RASL10A: variants seen among roughly 807,000 people sequenced by gnomAD.
RASL10A encodes the protein RAS like family 10 member A.
Under a neutral mutation model 17.3 loss-of-function variants are expected in RASL10A, and 13 were observed. That is an observed-to-expected ratio of 0.75 (90% confidence interval 0.49 to 1.20). The LOEUF (loss-of-function observed/expected upper bound fraction) is 1.20, where lower values mean the gene tolerates loss of function less well. Ranked by LOEUF, RASL10A falls within the 50% of genes most tolerant of loss-of-function variation. The pLI, the probability that RASL10A is intolerant of heterozygous loss-of-function variation, is 0.00. For missense variants in RASL10A, 307 were observed against 310.3 expected, an observed-to-expected ratio of 0.99 and a Z score of 0.08; for synonymous variants, 159 against 142.2, an observed-to-expected ratio of 1.12 and a Z score of -0.84.
intron 1 of RASL10A, among the ~76,000 whole-genome samples, chr22:29,314,493 G>A (rs1290486696): frequency 6.6e-6 from 1 of 152,122 alleles, no homozygotes; most frequent in Non-Finnish European, 1.5e-5. Context: ...CTCCCTCCAG[G>A]AAGCCCTGCT....
rs1315504216 is a variant in RASL10A, at chr22:29,315,049, G to T, written c.198C>A (p.Gly66=). ...SIRDGDVAGP[G]SSPGGPEEWP... ...CTACCTCCGGACCCCCGGGGCTCGA[G>T]CCGGGGCCAGCGACGTCGCCGTCGC... The change falls in exon 1 of 3, where the codon GGC becomes GGA. Residue 66 remains glycine, a synonymous_variant. Transcript: ENST00000216101. This position sits in a 1 kb window ranked among gnomAD's most constrained non-coding sequence, Gnocchi z 5.5. 2.0e-6 allele frequency: 3 copies of T among 1,514,488 alleles called. No individual in the cohort carries two copies. Among genetic ancestry groups the T allele is most frequent in the Non-Finnish European group, 2.6e-6 (3 of 1,135,896 alleles). 93.8% of individuals were successfully genotyped at this position (1,514,488 alleles called of 1,614,324 possible).
Position 29,315,020 on chromosome 22 carries a change from G to C in RASL10A, c.219+8C>G. On this transcript the variant is annotated splice_region_variant and intron_variant, in intron 1 of 2. Coordinates refer to ENST00000216101, the MANE Select transcript of RASL10A (RefSeq NM_006477.5). The surrounding 1 kb of genome is among the most constrained non-coding windows in gnomAD (Gnocchi z 5.5). ...TCACACGCCCCTGCCCGCTCCTCGA[G>C]CCGCTACCTCCGGACCCCCGGGGCT... is the stretch of plus-strand genomic sequence containing the variant. The C allele has an allele frequency of 6.7e-7, 1 of 1,495,850 alleles. No individual in the cohort carries two copies. The allele number at this position is 1,495,850 out of a possible 1,614,324, so 92.7% of individuals were successfully genotyped here. A position where few individuals can be genotyped will look rare whatever the true frequency, so the allele number is the denominator to read the frequency against.
Position 29,313,644 on chromosome 22 carries a change from G to A in RASL10A, c.345-76C>T, listed in dbSNP as rs2061434579. ...TCCCCCAGTGGGTATACACACGCAGGCGCATTCCCTTCCTACGGCCAGAGA... is the reference window on the plus strand; with the variant it reads ...TCCCCCAGTGGGTATACACACGCAGACGCATTCCCTTCCTACGGCCAGAGA... On this transcript the variant is annotated intron_variant, in intron 2 of 2. Transcript: ENST00000216101. 7.6e-6 allele frequency: 11 copies of A among 1,447,072 alleles called. No individual in the cohort carries two copies. In the South Asian group the frequency reaches 1.6e-4, roughly 21 times the overall value. 89.6% of individuals were successfully genotyped at this position (1,447,072 alleles called of 1,614,324 possible).
chr22:29,314,140 T>C, intron 1 of RASL10A, 153 bp from the exon 2 acceptor site: 1 of 1,051,048 alleles, frequency 9.5e-7, no homozygotes, highest in Non-Finnish European at 1.3e-6. Context: ...CGTCTCCTCA[T>C]GACCACCAGG....
rs984673548 is a variant in RASL10A, at chr22:29,314,993, T to A, written c.219+35A>T. ...CACCGAGCACGCACACCCCTCACAC[T>A]GTCACACGCCCCTGCCCGCTCCTCG... On this transcript the variant is annotated intron_variant, in intron 1 of 2. Transcript: ENST00000216101. 13 of 1,437,880 alleles carry A rather than the reference T, an allele frequency of 9.0e-6. No individual in the cohort carries two copies. The African/African-American group carries it at 1.9e-4, about 21-fold the overall frequency. 89.1% of individuals were successfully genotyped at this position (1,437,880 alleles called of 1,614,324 possible).
At position 29,314,962 on chromosome 22, in the gene RASL10A, C is replaced by T. The variant is rs921461315; in HGVS notation, c.219+66G>A. ...CCCGAGGCCTCCACGCGGACACGCA[C>T]GTGTGCACCGAGCACGCACACCCCT... On this transcript the variant is annotated intron_variant, in intron 1 of 2. Transcript: ENST00000216101. The T allele has an allele frequency of 8.6e-5, 111 of 1,288,418 alleles. 5 individuals carry two copies. In the South Asian group the frequency reaches 1.7e-3, roughly 20 times the overall value. 79.8% of individuals were successfully genotyped at this position (1,288,418 alleles called of 1,614,324 possible). A position where few individuals can be genotyped will look rare whatever the true frequency, so the allele number is the denominator to read the frequency against.
intron 2 of RASL10A, 26 bp downstream of exon 2, chr22:29,313,837 C>A (rs2061436359): frequency 1.9e-6 from 3 of 1,611,228 alleles, no homozygotes; most frequent in Non-Finnish European, 2.5e-6. Context: ...CCTAGCTCCC[C>A]ACCGCCAGAA....
chr22:29,318,080 C>T (rs5752901), upstream of RASL10A, among the ~76,000 whole-genome samples: 4 of 152,292 alleles, frequency 2.6e-5, no homozygotes, highest in East Asian at 3.9e-4. Context: ...CTTCTCCTTC[C>T]GACACTGCAA....
intron 2 of RASL10A, 39 bp from the exon 3 acceptor site, chr22:29,313,607 C>T (rs751634635): frequency 3.3e-6 from 5 of 1,493,910 alleles, no homozygotes; most frequent in East Asian, 2.3e-5. Flanking sequence ...GGGGACCCCA[C>T]GGCCGGAGAA....
At chr22:29,318,676 T>C (rs1401149206), upstream of RASL10A, among the ~76,000 whole-genome samples, 1 of 152,102 alleles carries the variant, frequency 6.6e-6, no homozygotes, top group African/African-American at 2.4e-5. Context: ...CCTCATTCCT[T>C]CCCCAAGGAA....
At chr22:29,314,135 C>T in intron 1 of RASL10A, 148 bp from the exon 2 acceptor site, 1 of 1,096,470 alleles carries the variant, frequency 9.1e-7, no homozygotes, top group Non-Finnish European at 1.3e-6. Context: ...CGGGCCGTCT[C>T]CTCATGACCA....
At chr22:29,317,605 C>T (rs1183867812), upstream of RASL10A, among the ~76,000 whole-genome samples, 1 of 152,184 alleles carries the variant, frequency 6.6e-6, no homozygotes, top group Non-Finnish European at 1.5e-5. Flanking sequence ...CTTCGGGGAA[C>T]AAGGCAAGGA....
chr22:29,313,245 G>T lies in RASL10A; in HGVS notation c.*56C>A. Reference sequence around the variant, plus strand: ...AGTTGGGCGATCCCGTCCAATCCAGGTCCCTGATTGTCCCAGTCACAAGGT... The same window carrying T: ...AGTTGGGCGATCCCGTCCAATCCAGTTCCCTGATTGTCCCAGTCACAAGGT... On this transcript the variant is annotated 3_prime_UTR_variant, in exon 3 of 3. Coordinates refer to ENST00000216101, the MANE Select transcript of RASL10A (RefSeq NM_006477.5). 6.9e-7 allele frequency: 1 copy of T among 1,442,188 alleles called. No homozygotes were observed. The highest frequency in any genetic ancestry group is 9.1e-7 in the Non-Finnish European group (1 of 1,094,106). 89.3% of individuals were successfully genotyped at this position (1,442,188 alleles called of 1,614,324 possible). A position where few individuals can be genotyped will look rare whatever the true frequency, so the allele number is the denominator to read the frequency against.
In RASL10A at chr22:29,313,722, G is replaced by A. The variant is rs937449594; in HGVS notation, c.344+141C>T. On this transcript the variant is annotated intron_variant, in intron 2 of 2. Transcript: ENST00000216101. ...ACCCCAGGCCCATGTGGGCCAAAGA[G>A]CACATACAGCTTAAGACCTTCCCAC... 3.6e-5 allele frequency: 52 copies of A among 1,445,458 alleles called. 3 individuals are homozygous for A. The Admixed American group carries it at 5.6e-4, about 15-fold the overall frequency. The allele number at this position is 1,445,458 out of a possible 1,614,324, so 89.5% of individuals were successfully genotyped here. A position where few individuals can be genotyped will look rare whatever the true frequency, so the allele number is the denominator to read the frequency against.
chr22:29,313,615 G>T, intron 2 of RASL10A, 47 bp from the exon 3 acceptor site: 1 of 1,487,936 alleles, frequency 6.7e-7, no homozygotes, highest in South Asian at 1.4e-5. Context: ...CACGGCCGGA[G>T]AATTCCCCCA....
chr22:29,318,950 G>A (rs935755855), upstream of RASL10A, among the ~76,000 whole-genome samples: 1 of 152,200 alleles, frequency 6.6e-6, no homozygotes, highest in Non-Finnish European at 1.5e-5. Context: ...TCAGGCCTGG[G>A]GAGATGAGGA....
In RASL10A at chr22:29,313,433, G is replaced by T. The variant is rs1217922322; in HGVS notation, c.480C>A (p.Ser160=). Residue 160 remains serine (S), a synonymous_variant, in exon 3 of 3, where the codon TCC becomes TCA. Transcript: ENST00000216101. ...GCAGCACGTGCCAGTTGTACTTGGC[G>T]GAGCACTCGAGGTAGCCGCAGCGCC... ...RGWRCGYLEC[S]AKYNWHVLRL... is the part of the protein sequence containing the mutation. The T allele has an allele frequency of 1.9e-6, 3 of 1,541,092 alleles. No homozygotes were observed. The highest frequency in any genetic ancestry group is 1.4e-5 in the African/African-American group (1 of 73,056).
chr22:29,313,681 C>G (rs117024429), intron 2 of RASL10A, 113 bp from the exon 3 acceptor site: 31,377 of 1,418,276 alleles, frequency 0.022, 417 homozygotes, highest in South Asian at 0.042. Context: ...ACCGCCCCCC[C>G]CGCCGCCCCA....
chr22:29,313,105 G>A lies in RASL10A; in HGVS notation c.*196C>T. On this transcript the variant is annotated 3_prime_UTR_variant, in exon 3 of 3. Transcript: ENST00000216101. Reference sequence around the variant, plus strand: ...GAAAGGACTGGTCATCTCCAATGGAGCTTGGGACCTGGTTGGGTCCAATGA... The same window carrying A: ...GAAAGGACTGGTCATCTCCAATGGAACTTGGGACCTGGTTGGGTCCAATGA... 3.2e-6 allele frequency: 2 copies of A among 617,856 alleles called. No homozygotes were observed. The highest frequency in any genetic ancestry group is 5.1e-6 in the Non-Finnish European group (2 of 393,718). The allele number at this position is 617,856 out of a possible 1,614,324, so 38.3% of individuals were successfully genotyped here. A position where few individuals can be genotyped will look rare whatever the true frequency, so the allele number is the denominator to read the frequency against.
Sources: allele counts gnomAD v4.1 joint callset (sites outside exome capture counted in the v4.1 genomes callset), GRCh38; gene constraint gnomAD v4.1.1; non-coding constraint Gnocchi (gnomAD v3.1); transcripts MANE v1.5; gene names NCBI Gene and HGNC (gene_info 2026-07-23, HGNC 2026-07-21).